Variants in TSPO observed in about 807,000 individuals in gnomAD.
TSPO encodes translocator protein, also known as benzodiazepine peripheral binding site.
In TSPO, 14 loss-of-function variants were observed where a neutral mutation model predicts 13.9. That is an observed-to-expected ratio of 1.01 (90% CI 0.67 to 1.58). The LOEUF is 1.58. TSPO is among the 40% of genes most tolerant of loss of function. TSPO has a pLI of 0.00. For synonymous variants in TSPO, 114 were observed against 105.9 expected (o/e 1.08, Z -0.47); for missense variants, 232 against 229.6 (o/e 1.01, Z -0.07).
At chr22:43,155,852 T>C (rs999132635) in intron 1 of TSPO, among the ~76,000 whole-genome samples, 1 of 152,198 alleles carries the variant, frequency 6.6e-6, no homozygotes, top group Non-Finnish European at 1.5e-5. Flanking sequence ...GTGTGCCCCC[T>C]GGCCTGGCCC....
At chr22:43,152,736 A>G (rs1012334745) in intron 1 of TSPO, among the ~76,000 whole-genome samples, 3 of 152,254 alleles carry the variant, frequency 2.0e-5, no homozygotes, top group Non-Finnish European at 2.9e-5. Flanking sequence ...AGAGTCACGC[A>G]GCTGGCGCGG....
In TSPO at chr22:43,162,922, G is replaced by A. The variant is rs748472790; in HGVS notation, c.441G>A (p.Thr147=). Residue 147 remains threonine, a synonymous_variant, in exon 4 of 4, where the codon ACG becomes ACA. Coordinates refer to ENST00000337554, the MANE Select transcript of TSPO (RefSeq NM_000714.6). The part of the protein sequence containing the change: ...LYPYLAWLAF[T]TTLNYCVWRD... ...CCTACCTGGCCTGGCTGGCCTTCAC[G>A]ACCACACTCAACTACTGCGTATGGC... 2.6e-5 allele frequency: 41 copies of A among 1,596,146 alleles called. No homozygotes were observed. Among genetic ancestry groups the A allele is most frequent in the Non-Finnish European group, 3.5e-5 (41 of 1,171,852 alleles).
Position 43,161,168 on chromosome 22 carries a change from T to G in TSPO, c.299T>G (p.Phe100Cys). The change falls in exon 3 of 4, where the codon TTT becomes TGT. Residue 100 changes from phenylalanine (F) to cysteine (C), a missense_variant. Physicochemically the swap from Phe to Cys is radical, Grantham distance 205. Transcript: ENST00000337554. ...ALNWAWPPIFFGARQMGWALV... is the reference protein window; with the variant it reads ...ALNWAWPPIFCGARQMGWALV... ...AACTGGGCATGGCCCCCCATCTTCT[T>G]TGGTGCCCGACAAATGGGCTGGGTA... 6.2e-7 allele frequency: 1 copy of G among 1,613,422 alleles called. No individual in the cohort carries two copies. The highest frequency in any genetic ancestry group is 8.5e-7 in the Non-Finnish European group (1 of 1,179,530).
chr22:43,163,170 C>CT lies in TSPO; in HGVS notation c.*182dup, dbSNP rs1394283926. ...CCCCACCCGGGAGCAGTGTCCTGTGCTTTCTGCATGCTTAGAGCATGTTCT... is the reference window on the plus strand; with the variant it reads ...CCCCACCCGGGAGCAGTGTCCTGTGCTTTTCTGCATGCTTAGAGCATGTTCT... On this transcript the variant is annotated 3_prime_UTR_variant, in exon 4 of 4. Transcript: ENST00000337554. 21 of 1,434,712 alleles carry CT rather than the reference C, an allele frequency of 1.5e-5. No homozygotes were observed. Among genetic ancestry groups the CT allele is most frequent in the Non-Finnish European group, 6.4e-6 (7 of 1,095,202 alleles). The allele number at this position is 1,434,712 out of a possible 1,614,324, so 88.9% of individuals were successfully genotyped here.
intron 1 of TSPO, among the ~76,000 whole-genome samples, chr22:43,153,807 G>A (rs1190995735): frequency 1.3e-5 from 2 of 151,040 alleles, no homozygotes; most frequent in African/African-American, 2.4e-5. Context: ...TTTTTGAGAC[G>A]GTGTCTCGCT....
intron 2 of TSPO, 195 bp downstream of exon 2, chr22:43,159,615 G>A: frequency 1.8e-6 from 1 of 544,866 alleles, no homozygotes; most frequent in Non-Finnish European, 3.0e-6. Flanking sequence ...GCCCCTGGGG[G>A]GATGGGTCAG....
intron 1 of TSPO, among the ~76,000 whole-genome samples, chr22:43,155,509 G>A (rs1368667104): frequency 6.6e-6 from 1 of 152,192 alleles, no homozygotes; most frequent in Non-Finnish European, 1.5e-5. Flanking sequence ...GGCTGATAAG[G>A]TCTCGTCACA....
chr22:43,162,416 C>T (rs1486728442), intron 3 of TSPO, among the ~76,000 whole-genome samples: 1 of 152,212 alleles, frequency 6.6e-6, no homozygotes, highest in Non-Finnish European at 1.5e-5. Flanking sequence ...GCCACTGCAC[C>T]TGACAAATAG....
At chr22:43,162,774 C>T in intron 3 of TSPO, 29 bp from the exon 4 acceptor site, 1 of 1,520,882 alleles carries the variant, frequency 6.6e-7, no homozygotes, top group East Asian at 2.4e-5. Context: ...CCTCAGGCCT[C>T]CCCATCCTCC....
intron 1 of TSPO, among the ~76,000 whole-genome samples, chr22:43,156,864 A>G (rs1438980621): frequency 6.6e-6 from 1 of 152,142 alleles, no homozygotes; most frequent in Non-Finnish European, 1.5e-5. Context: ...AGAGCAGGCC[A>G]TTAGTGTGGG....
In TSPO at chr22:43,159,256, G is replaced by A; in HGVS notation, c.18G>A (p.Val6=). 6.4e-7 allele frequency: 1 copy of A among 1,556,040 alleles called. No individual in the cohort carries two copies. The highest frequency in any genetic ancestry group is 8.7e-7 in the Non-Finnish European group (1 of 1,150,978). Residue 6 remains valine, a synonymous_variant, in exon 2 of 4, where the codon GTG becomes GTA. Transcript: ENST00000337554. The stretch of plus-strand genomic sequence containing the variant: ...CAGCAGCCATGGCCCCGCCCTGGGT[G>A]CCCGCCATGGGCTTCACGCTGGCGC... The part of the protein sequence containing the change: MAPPW[V]PAMGFTLAPS...
rs1314286190 is a variant in TSPO, at chr22:43,163,170, C to T, written c.*179C>T. On this transcript the variant is annotated 3_prime_UTR_variant, in exon 4 of 4. Coordinates refer to ENST00000337554, the MANE Select transcript of TSPO (RefSeq NM_000714.6). ...CCCCACCCGGGAGCAGTGTCCTGTG[C>T]TTTCTGCATGCTTAGAGCATGTTCT... The T allele has an allele frequency of 2.8e-6, 4 of 1,434,712 alleles. No individual in the cohort carries two copies. Among genetic ancestry groups the T allele is most frequent in the Non-Finnish European group, 3.7e-6 (4 of 1,095,202 alleles). 88.9% of individuals were successfully genotyped at this position (1,434,712 alleles called of 1,614,324 possible). A position where few individuals can be genotyped will look rare whatever the true frequency, so the allele number is the denominator to read the frequency against.
chr22:43,157,736 C>G (rs1931298362), intron 1 of TSPO, among the ~76,000 whole-genome samples: 1 of 152,168 alleles, frequency 6.6e-6, no homozygotes, highest in African/African-American at 2.4e-5. Flanking sequence ...AGGCAGGAGG[C>G]TGAGACGGGA....
In TSPO at chr22:43,163,212, A is replaced by T; in HGVS notation, c.*221A>T. On this transcript the variant is annotated 3_prime_UTR_variant, in exon 4 of 4. Transcript: ENST00000337554. ...GCATGTTCTTGGAACATGGAATTTT[A>T]TAAGCTGAATAAAGTTTTTGACTTC... 1.5e-6 allele frequency: 2 copies of T among 1,367,436 alleles called. No homozygotes were observed. The highest frequency in any genetic ancestry group is 1.9e-6 in the Non-Finnish European group (2 of 1,042,282). 84.7% of individuals were successfully genotyped at this position (1,367,436 alleles called of 1,614,324 possible). A position where few individuals can be genotyped will look rare whatever the true frequency, so the allele number is the denominator to read the frequency against.
rs764839101 is a variant in TSPO, at chr22:43,153,294, G to A, written c.-30+1690G>A. On this transcript the variant is annotated intron_variant, in intron 1 of 3. Coordinates refer to ENST00000337554, the MANE Select transcript of TSPO (RefSeq NM_000714.6). ...CCACCTCAGCCTCCCAAAGTGCTGG[G>A]ATTACAGGCATGAGCCACTGTTCCT... Among the ~76,000 whole-genome samples, 284 of 148,528 alleles carry A rather than the reference G, an allele frequency of 1.9e-3. 2 individuals are homozygous for A. The highest frequency in any genetic ancestry group is 3.3e-3 in the Non-Finnish European group (219 of 67,268).
In TSPO at chr22:43,163,107, A is replaced by G; in HGVS notation, c.*116A>G. 3 of 1,506,676 alleles carry G rather than the reference A, an allele frequency of 2.0e-6. No homozygotes were observed. Among genetic ancestry groups the G allele is most frequent in the Non-Finnish European group, 2.7e-6 (3 of 1,127,018 alleles). The allele number at this position is 1,506,676 out of a possible 1,614,324, so 93.3% of individuals were successfully genotyped here. A position where few individuals can be genotyped will look rare whatever the true frequency, so the allele number is the denominator to read the frequency against. On this transcript the variant is annotated 3_prime_UTR_variant, in exon 4 of 4. Coordinates refer to ENST00000337554, the MANE Select transcript of TSPO (RefSeq NM_000714.6). ...TGCTAGTCTGTCAGGGCCTTGGCCC[A>G]GGGGTCAGCAGAGCTTCAGAGGTGG...
chr22:43,154,957 G>A (rs779862376), intron 1 of TSPO, among the ~76,000 whole-genome samples: 9 of 152,194 alleles, frequency 5.9e-5, no homozygotes, highest in Admixed American at 2.6e-4. Flanking sequence ...TTCTGGCACC[G>A]TTCAGAGGTG....
chr22:43,158,890 A>T (rs989505416), intron 1 of TSPO, among the ~76,000 whole-genome samples: 1 of 151,818 alleles, frequency 6.6e-6, no homozygotes, highest in African/African-American at 2.4e-5. Flanking sequence ...AGCTCCCAGG[A>T]CGGGGACTTG....
In TSPO at chr22:43,159,274, G is replaced by A. The variant is rs1422145138; in HGVS notation, c.36G>A (p.Thr12=). 2.6e-6 allele frequency: 4 copies of A among 1,558,094 alleles called. No homozygotes were observed. Among genetic ancestry groups the A allele is most frequent in the African/African-American group, 1.4e-5 (1 of 73,478 alleles). Residue 12 remains threonine (T), a synonymous_variant, in exon 2 of 4, where the codon ACG becomes ACA. Coordinates refer to ENST00000337554, the MANE Select transcript of TSPO (RefSeq NM_000714.6). The part of the protein sequence containing the change: ...APPWVPAMGF[T]LAPSLGCFVG... ...CCTGGGTGCCCGCCATGGGCTTCAC[G>A]CTGGCGCCCAGCCTGGGGTGCTTCG...
Sources: gnomAD v4.1 joint callset for allele counts (sites outside exome capture counted in the v4.1 genomes callset) on GRCh38, gnomAD v4.1.1 for gene constraint, MANE v1.5 for transcripts, NCBI Gene and HGNC (gene_info 2026-07-23, HGNC 2026-07-21) for gene names.